GRIP1: variants seen among roughly 807,000 people sequenced by gnomAD.
GRIP1 encodes glutamate receptor-interacting protein 1.
In GRIP1, 45 loss-of-function variants were observed where a neutral mutation model predicts 129.9. That is an observed-to-expected ratio of 0.35 (90% CI 0.27 to 0.44). The LOEUF is 0.44. Ranked by LOEUF, GRIP1 falls within the 20% of genes least tolerant of loss-of-function variation. The pLI, the probability that GRIP1 is intolerant of heterozygous loss-of-function variation, is 1.00. For missense variants in GRIP1, 1,196 were observed against 1,396.8 expected (o/e 0.86, Z 2.29); for synonymous variants, 530 against 520.8 (o/e 1.02, Z -0.24).
chr12:66,574,148 T>G (rs2063059702), intron 2 of GRIP1, among the ~76,000 whole-genome samples: 1 of 152,234 alleles, frequency 6.6e-6, no homozygotes, highest in South Asian at 2.1e-4. Context: ...CTGGCAGAGA[T>G]GCCTCGTCTT....
chr12:66,524,742 C>G (rs2139029817), intron 5 of GRIP1, among the ~76,000 whole-genome samples: 1 of 152,250 alleles, frequency 6.6e-6, no homozygotes, highest in East Asian at 1.9e-4. Context: ...AATCCAGGAG[C>G]TGGTTTTTTG....
intron 2 of GRIP1, among the ~76,000 whole-genome samples, chr12:66,570,372 G>A (rs12307899): frequency 0.017 from 2,588 of 152,250 alleles, 67 homozygotes; most frequent in African/African-American, 0.059. Flanking sequence ...GCCTCTGAAA[G>A]TGCTAGGATT....
Position 66,462,954 on chromosome 12 carries a change from T to A in GRIP1, c.1012A>T (p.Thr338Ser). 6.2e-7 allele frequency: 1 copy of A among 1,613,836 alleles called. No homozygotes were observed. Among genetic ancestry groups the A allele is most frequent in the South Asian group, 1.1e-5 (1 of 91,030 alleles). Reference protein sequence around the residue: ...VKLEILPHHQTRLALKGPDHV... With the variant: ...VKLEILPHHQSRLALKGPDHV... Reference sequence around the variant, plus strand: ...TCGGGCCCCTTTAGGGCCAGCCGGGTCTGATGATGGGGAAGGATCTCAAGC... The same window carrying A: ...TCGGGCCCCTTTAGGGCCAGCCGGGACTGATGATGGGGAAGGATCTCAAGC... Residue 338 changes from threonine to serine, a missense_variant, in exon 9 of 25, where the codon ACC becomes TCC. Physicochemically the swap from Thr to Ser is moderately conservative, Grantham distance 58. Transcript: ENST00000359742.
At chr12:66,729,516 G>T (rs1305694480) in intron 1 of GRIP1, among the ~76,000 whole-genome samples, 1 of 152,142 alleles carries the variant, frequency 6.6e-6, no homozygotes, top group Non-Finnish European at 1.5e-5. Flanking sequence ...ATAGAGACTT[G>T]AATGGGTAAG....
At chr12:66,612,042 A>G (rs2064819697) in intron 1 of GRIP1, among the ~76,000 whole-genome samples, 1 of 152,144 alleles carries the variant, frequency 6.6e-6, no homozygotes, top group Admixed American at 6.5e-5. Context: ...AATTTTTTTC[A>G]TCTCTCAAAT....
chr12:66,900,050 T>C (rs1433215843), intron 1 of GRIP1, among the ~76,000 whole-genome samples: 1 of 152,160 alleles, frequency 6.6e-6, no homozygotes, highest in Admixed American at 6.5e-5. Flanking sequence ...AAATGTCCTC[T>C]TGAATGTTAG....
chr12:67,049,756 TC>T, intron 1 of GRIP1, among the ~76,000 whole-genome samples: 1 of 151,732 alleles, frequency 6.6e-6, no homozygotes, highest in Non-Finnish European at 1.5e-5. Context: ...AGACTTAGCT[TC>T]TTTAAGCCCT....
At chr12:66,539,270 G>A (rs1295568504) in intron 3 of GRIP1, 47 bp from the exon 4 acceptor site, 1 of 1,611,962 alleles carries the variant, frequency 6.2e-7, no homozygotes, top group Non-Finnish European at 8.5e-7. Flanking sequence ...CTCTCCATAG[G>A]CCAGTCTGAC....
chr12:66,352,598 T>C (rs1387404585), intron 24 of GRIP1, among the ~76,000 whole-genome samples: 1 of 151,880 alleles, frequency 6.6e-6, no homozygotes, highest in Non-Finnish European at 1.5e-5. Context: ...CCACGCATGG[T>C]GGTGTGCACC....
chr12:66,892,633 C>T (rs921659242), intron 1 of GRIP1, among the ~76,000 whole-genome samples: 4 of 152,154 alleles, frequency 2.6e-5, no homozygotes, highest in African/African-American at 9.6e-5. Context: ...AATGTTATCA[C>T]ACATATGGAT....
intron 1 of GRIP1, among the ~76,000 whole-genome samples, chr12:66,626,000 C>T (rs940091923): frequency 2.6e-5 from 4 of 152,058 alleles, no homozygotes; most frequent in Non-Finnish European, 4.4e-5. Flanking sequence ...CAGCCCACTT[C>T]TGGAGGGGAG....
rs557810629 is a variant in GRIP1, at chr12:67,015,858, GACA to G, written c.58+53189_58+53191del. 1.8e-3 allele frequency among the ~76,000 whole-genome samples: 269 copies of G among 152,252 alleles called. 2 individuals are homozygous for G. The highest frequency in any genetic ancestry group is 5.8e-3 in the African/African-American group (240 of 41,556). On this transcript the variant is annotated intron_variant, in intron 1 of 1. Transcript: ENST00000643019. Reference sequence around the variant, plus strand: ...TCAGAAATATTATCCCCACATGAGAGACAACAAGAAAGTAGCATTAGAATAGAG... The same window carrying G: ...TCAGAAATATTATCCCCACATGAGAGACAAGAAAGTAGCATTAGAATAGAG...
chr12:66,553,357 T>G (rs981766299), intron 2 of GRIP1, among the ~76,000 whole-genome samples: 2 of 152,086 alleles, frequency 1.3e-5, no homozygotes, highest in Admixed American at 1.3e-4. Flanking sequence ...CCTCCCTTGT[T>G]TCCCTCCCTA....
At chr12:66,939,801 T>G (rs2041554049) in intron 1 of GRIP1, among the ~76,000 whole-genome samples, 1 of 152,204 alleles carries the variant, frequency 6.6e-6, no homozygotes, top group Non-Finnish European at 1.5e-5. Flanking sequence ...AAACTGTAAC[T>G]ATACTTCATT....
At chr12:66,402,429 T>G in intron 16 of GRIP1, among the ~76,000 whole-genome samples, 1 of 152,156 alleles carries the variant, frequency 6.6e-6, no homozygotes, top group Non-Finnish European at 1.5e-5. Context: ...TTAGCAGCAT[T>G]TGGGAATAGT....
intron 22 of GRIP1, among the ~76,000 whole-genome samples, chr12:66,376,495 G>C (rs746031574): frequency 7.9e-5 from 12 of 152,196 alleles, no homozygotes; most frequent in Non-Finnish European, 1.5e-4. Flanking sequence ...TTTGATTAAA[G>C]AACTCACCAG....
chr12:66,574,358 C>T (rs1017707801), intron 2 of GRIP1, among the ~76,000 whole-genome samples: 2 of 152,286 alleles, frequency 1.3e-5, no homozygotes, highest in African/African-American at 4.8e-5. Flanking sequence ...GGGCACTCCT[C>T]TGCACTCTCC....
intron 6 of GRIP1, among the ~76,000 whole-genome samples, chr12:66,516,833 T>C (rs771483081): frequency 9.2e-5 from 14 of 152,176 alleles, no homozygotes; most frequent in Non-Finnish European, 1.5e-4. Flanking sequence ...ATATGAAATA[T>C]CACTTTCTTA....
chr12:66,432,774 T>C, intron 13 of GRIP1, 146 bp from the exon 14 acceptor site: 1 of 636,750 alleles, frequency 1.6e-6, no homozygotes, highest in South Asian at 1.8e-5. Context: ...TTTAAAATCC[T>C]AGTAAATTAA....
Sources: allele counts gnomAD v4.1 joint callset (sites outside exome capture counted in the v4.1 genomes callset), GRCh38; gene constraint gnomAD v4.1.1; transcripts MANE v1.5; gene names NCBI Gene and HGNC (gene_info 2026-07-23, HGNC 2026-07-21).